MAPK7: variants seen among roughly 807,000 people sequenced by gnomAD.
MAPK7 encodes mitogen-activated protein kinase 7.
MAPK7 carries 30 observed loss-of-function variants against 56.9 expected under a neutral mutation model. That is an observed-to-expected ratio of 0.53 (90% CI 0.39 to 0.72). The LOEUF (loss-of-function observed/expected upper bound fraction) is 0.72. MAPK7 is among the 30% of genes least tolerant of loss of function. The pLI, the probability that MAPK7 is intolerant of heterozygous loss-of-function variation, is 0.00. For missense variants in MAPK7, 952 were observed against 1,110.8 expected (o/e 0.86, Z 2.03); for synonymous variants, 516 against 449.3 (o/e 1.15, Z -1.88).
At chr17:19,378,073 GA>G (rs1912246343), upstream of MAPK7, 1 of 985,088 alleles carries the variant, frequency 1.0e-6, no homozygotes. This position sits in a 1 kb window ranked among gnomAD's most constrained non-coding sequence, Gnocchi z 5.4. Flanking sequence ...TCCCTGGGCG[GA>G]AGGGGACTTC....
At chr17:19,378,267 T>G (rs1313441842), upstream of MAPK7, 1 of 985,712 alleles carries the variant, frequency 1.0e-6, no homozygotes, top group Non-Finnish European at 1.2e-6. The surrounding 1 kb of genome is among the most constrained non-coding windows in gnomAD (Gnocchi z 5.4). Flanking sequence ...CGCATGCGTT[T>G]GAAGGCGGTG....
chr17:19,383,212 C>T lies in MAPK7; in HGVS notation c.2432C>T (p.Pro811Leu). ...TCCCCAATGCTGCTGGCTGACCTGC[C>T]TGACCTCCAGGACCCCTGAGGCCCC... ...MDSPMLLADLPDLQDP is the reference protein window; with the variant it reads ...MDSPMLLADLLDLQDP Residue 811 changes from proline to leucine, a missense_variant, in exon 7 of 7, where the codon CCT becomes CTT. This residue lies in a region of MAPK7 where 73 missense variants were observed against 104.6 expected (regional missense o/e 0.70). Coordinates refer to ENST00000395604, the MANE Select transcript of MAPK7 (RefSeq NM_002749.4). 2.5e-6 allele frequency: 4 copies of T among 1,614,092 alleles called. No individual in the cohort carries two copies. Among genetic ancestry groups the T allele is most frequent in the Non-Finnish European group, 3.4e-6 (4 of 1,180,002 alleles).
Position 19,381,588 on chromosome 17 carries a change from G to C in MAPK7, c.1379G>C (p.Ser460Thr). The C allele has an allele frequency of 1.2e-6, 2 of 1,613,876 alleles. No homozygotes were observed. The highest frequency in any genetic ancestry group is 1.7e-6 in the Non-Finnish European group (2 of 1,179,996). Residue 460 changes from serine to threonine, a missense_variant, in exon 4 of 7, where the codon AGT becomes ACT. Ser to Thr is a moderately conservative substitution (Grantham distance 58). Transcript: ENST00000395604. This position sits in a 1 kb window ranked among gnomAD's most constrained non-coding sequence, Gnocchi z 4.6. The part of the protein sequence containing the change: ...DLTLQPPPPV[S>T]EPAPPKKDGA... ...ACCCTGCAGCCACCTCCACCAGTCA[G>C]TGAGCCTGCCCCACCAAAGAAAGAT...
chr17:19,378,285 G>A (rs977971746), upstream of MAPK7: 30 of 986,302 alleles, frequency 3.0e-5, 1 homozygote, highest in South Asian at 1.1e-3. The surrounding 1 kb of genome is among the most constrained non-coding windows in gnomAD (Gnocchi z 5.4). Context: ...GTGCAGGGCG[G>A]GGAGCACACC....
In MAPK7 at chr17:19,383,332, C is replaced by A; in HGVS notation, c.*101C>A. 3.0e-6 allele frequency: 4 copies of A among 1,348,194 alleles called. No individual in the cohort carries two copies. The highest frequency in any genetic ancestry group is 1.4e-5 in the South Asian group (1 of 72,106). 83.5% of individuals were successfully genotyped at this position (1,348,194 alleles called of 1,614,324 possible). A position where few individuals can be genotyped will look rare whatever the true frequency, so the allele number is the denominator to read the frequency against. ...CCTGGACCCAGCAGGTGAGGCTCGG[C>A]TTGGATTATTCTGCAGGTTCATCTC... is the stretch of plus-strand genomic sequence containing the variant. On this transcript the variant is annotated 3_prime_UTR_variant, in exon 7 of 7. Coordinates refer to ENST00000395604, the MANE Select transcript of MAPK7 (RefSeq NM_002749.4).
In MAPK7 at chr17:19,382,052, C is replaced by T. The variant is rs1009342873; in HGVS notation, c.1749C>T (p.Leu583=). Residue 583 remains leucine (L), a synonymous_variant, in exon 5 of 7, where the codon CTC becomes CTT. Transcript: ENST00000395604. ...TRMARPAAPA[L]TSVPAPAPAP... ...TGGCCCGGCCCGCAGCCCCAGCCCT[C>T]ACCTCTGTGCCGGCCCCTGCCCCAG... is the stretch of plus-strand genomic sequence containing the variant. 1.3e-6 allele frequency: 2 copies of T among 1,581,360 alleles called. No individual in the cohort carries two copies. Among genetic ancestry groups the T allele is most frequent in the African/African-American group, 1.3e-5 (1 of 74,166 alleles).
At chr17:19,377,812 C>T (rs1196086674), upstream of MAPK7, 11 of 984,532 alleles carry the variant, frequency 1.1e-5, no homozygotes, top group Non-Finnish European at 1.2e-5. Flanking sequence ...CGCTGCAGCC[C>T]AAAGCACGGG....
Position 19,382,263 on chromosome 17 carries a change from C to T in MAPK7, c.1960C>T (p.Pro654Ser), listed in dbSNP as rs1194846616. Residue 654 changes from proline (P) to serine (S), a missense_variant, in exon 5 of 7, where the codon CCA (proline) becomes TCA (serine). Coordinates refer to ENST00000395604, the MANE Select transcript of MAPK7 (RefSeq NM_002749.4). ...TCCTGGGCCCATCCCTGTCCCCGCG[C>T]CACCCCAGATTGCCACCTCCACCAG... ...GPPGPIPVPA[P>S]PQIATSTSLL... 6.2e-7 allele frequency: 1 copy of T among 1,612,410 alleles called. No homozygotes were observed. Among genetic ancestry groups the T allele is most frequent in the African/African-American group, 1.3e-5 (1 of 75,012 alleles).
In MAPK7 at chr17:19,382,906, C is replaced by T. The variant is rs1389084223; in HGVS notation, c.2257C>T (p.Gln753Ter). 2 of 1,614,244 alleles carry T rather than the reference C, an allele frequency of 1.2e-6. No individual in the cohort carries two copies. Among genetic ancestry groups the T allele is most frequent in the Non-Finnish European group, 1.7e-6 (2 of 1,180,044 alleles). ...VGFDLEEFLN[Q>*]SFDMGVADGP... ...CTTTGACCTGGAGGAATTCTTAAAC[C>T]AGTCTTTCGACATGGGCGTGGCTGA... Residue 753 changes from glutamine (Q) to a stop codon, truncating the protein, a stop_gained, in exon 6 of 7, where the codon CAG becomes TAG. Transcript: ENST00000395604. LOFTEE classifies it high-confidence loss of function.
intron 5 of MAPK7, 47 bp downstream of exon 5, chr17:19,382,513 G>A: frequency 1.3e-6 from 2 of 1,527,000 alleles, no homozygotes; most frequent in Middle Eastern, 1.8e-4. Context: ...CTGGGCCAAA[G>A]GAAAATGGGT....
At chr17:19,377,944 G>C (rs1207608067), upstream of MAPK7, 3 of 985,294 alleles carry the variant, frequency 3.0e-6, no homozygotes, top group African/African-American at 5.2e-5. Context: ...TGGAGGGTTC[G>C]GCCGGACGCT....
At chr17:19,382,721 C>T in intron 5 of MAPK7, 92 bp from the exon 6 acceptor site, 1 of 1,528,514 alleles carries the variant, frequency 6.5e-7, no homozygotes, top group Non-Finnish European at 8.9e-7. Context: ...TGTTAGCACT[C>T]CCAGATATCC....
At chr17:19,382,598 C>T (rs1912814378) in intron 5 of MAPK7, 132 bp downstream of exon 5, 2 of 1,482,098 alleles carry the variant, frequency 1.3e-6, no homozygotes, top group Non-Finnish European at 1.8e-6. Context: ...CTCTTGCTCA[C>T]AGAAGGAGCA....
Position 19,382,832 on chromosome 17 carries a change from C to A in MAPK7, c.2183C>A (p.Pro728His). Residue 728 changes from proline (P) to histidine (H), a missense_variant, in exon 6 of 7, where the codon CCT becomes CAT. By Grantham distance (77) the Pro-to-His change is moderately conservative (BLOSUM62 -2). Transcript: ENST00000395604. ...CTGCAGGTGGAGGACCCCCTGCCCC[C>A]TGTGTTCTCAGGCACACCAAAGGGC... ...SKSQVEDPLP[P>H]VFSGTPKGSG... 1 of 1,614,222 alleles carries A rather than the reference C, an allele frequency of 6.2e-7. No homozygotes were observed. The highest frequency in any genetic ancestry group is 8.5e-7 in the Non-Finnish European group (1 of 1,180,030).
Position 19,382,399 on chromosome 17 carries a change from C to T in MAPK7, c.2096C>T (p.Ala699Val), listed in dbSNP as rs1311175261. ...PGLPPPDAGG[A>V]PQSSMSESPD... ...CTGCCGCCCCCAGACGCCGGGGGAG[C>T]CCCTCAGTCTTCCATGTCAGAGTCA... The change falls in exon 5 of 7, where the codon GCC becomes GTC. Residue 699 changes from alanine to valine, a missense_variant. This residue lies in a region of MAPK7 where 234 missense variants were observed against 210.4 expected (regional missense o/e 1.11). Coordinates refer to ENST00000395604, the MANE Select transcript of MAPK7 (RefSeq NM_002749.4). The T allele has an allele frequency of 6.2e-7, 1 of 1,612,832 alleles. No homozygotes were observed. Among genetic ancestry groups the T allele is most frequent in the South Asian group, 1.1e-5 (1 of 90,942 alleles).
At position 19,378,657 on chromosome 17, in the gene MAPK7, G is replaced by C; in HGVS notation, c.-6+27G>C. The C allele has an allele frequency of 5.0e-6, 7 of 1,406,364 alleles. No homozygotes were observed. The highest frequency in any genetic ancestry group is 6.5e-6 in the Non-Finnish European group (7 of 1,084,052). The allele number at this position is 1,406,364 out of a possible 1,614,324, so 87.1% of individuals were successfully genotyped here. ...TGAGTGCGGCCCTGAGGAAACCCAG[G>C]TGCCCCGCCCCTCCCTTTCTTCCTG... On this transcript the variant is annotated intron_variant, in intron 1 of 6. Transcript: ENST00000395604. This position sits in a 1 kb window ranked among gnomAD's most constrained non-coding sequence, Gnocchi z 5.4.
In MAPK7 at chr17:19,381,130, G is replaced by A; in HGVS notation, c.921G>A (p.Val307=). The A allele has an allele frequency of 1.9e-6, 3 of 1,613,970 alleles. No homozygotes were observed. The highest frequency in any genetic ancestry group is 2.5e-6 in the Non-Finnish European group (3 of 1,179,994). Residue 307 remains valine, a synonymous_variant, in exon 4 of 7, where the codon GTG becomes GTA. Coordinates refer to ENST00000395604, the MANE Select transcript of MAPK7 (RefSeq NM_002749.4). This position sits in a 1 kb window ranked among gnomAD's most constrained non-coding sequence, Gnocchi z 4.6. ...AGAGCTTGCCACCACGCCAGCCTGT[G>A]CCCTGGGAGACAGTGTACCCAGGTG... ...YIQSLPPRQP[V]PWETVYPGAD...
At position 19,381,678 on chromosome 17, in the gene MAPK7, G is replaced by C; in HGVS notation, c.1469G>C (p.Arg490Pro). ...GCCCTGCTCAAGTCTTTGAGGAGCC[G>C]GCTCAGAGGTGCCTTGTGGGCAGGT... Reference protein sequence around the residue: ...KAALLKSLRSRLRDGPSAPLE... With the variant: ...KAALLKSLRSPLRDGPSAPLE... Residue 490 changes from arginine to proline, a missense_variant, in exon 4 of 7, where the codon CGG becomes CCG. By Grantham distance (103) the Arg-to-Pro change is moderately radical. Transcript: ENST00000395604. This position sits in a 1 kb window ranked among gnomAD's most constrained non-coding sequence, Gnocchi z 4.6. 1 of 1,585,942 alleles carries C rather than the reference G, an allele frequency of 6.3e-7. No homozygotes were observed. Among genetic ancestry groups the C allele is most frequent in the Non-Finnish European group, 8.6e-7 (1 of 1,165,810 alleles).
Position 19,378,699 on chromosome 17 carries a change from C to T in MAPK7, c.-6+69C>T, listed in dbSNP as rs1390107052. The T allele has an allele frequency of 8.5e-6, 12 of 1,406,746 alleles. No individual in the cohort carries two copies. Among genetic ancestry groups the T allele is most frequent in the Non-Finnish European group, 1.1e-5 (12 of 1,080,246 alleles). The allele number at this position is 1,406,746 out of a possible 1,614,324, so 87.1% of individuals were successfully genotyped here. On this transcript the variant is annotated intron_variant, in intron 1 of 6. Coordinates refer to ENST00000395604, the MANE Select transcript of MAPK7 (RefSeq NM_002749.4). The surrounding 1 kb of genome is among the most constrained non-coding windows in gnomAD (Gnocchi z 5.4). ...TTCTTCCTGGCCCGCGCCTCGCCTA[C>T]CCCTCCCCCGACCCTGGCGGGCCCC...
Sources: gnomAD v4.1 joint callset for allele counts on GRCh38, gnomAD v4.1.1 for gene constraint, gnomAD v4.1.1 regional missense constraint, Gnocchi (gnomAD v3.1) non-coding constraint, MANE v1.5 for transcripts, NCBI Gene and HGNC (gene_info 2026-07-23, HGNC 2026-07-21) for gene names.